PDGFC: variants seen among roughly 807,000 people sequenced by gnomAD.
PDGFC encodes platelet derived growth factor C, also known as platelet-derived growth factor C.
A neutral mutation model predicts 35.5 loss-of-function variants in PDGFC; 12 were observed. The observed-to-expected ratio is 0.34, with a 90% confidence interval of 0.22 to 0.55. The LOEUF (loss-of-function observed/expected upper bound fraction) is 0.55. PDGFC is among the 20% of genes least tolerant of loss of function. The pLI is 0.91. For synonymous variants in PDGFC, 159 were observed against 148.8 expected, an observed-to-expected ratio of 1.07 and a Z score of -0.50; for missense variants, 322 against 412.4, an observed-to-expected ratio of 0.78 and a Z score of 1.90.
intron 1 of PDGFC, among the ~76,000 whole-genome samples, chr4:156,901,823 G>C (rs543710326): frequency 6.6e-6 from 1 of 151,938 alleles, no homozygotes; most frequent in East Asian, 1.9e-4. Context: ...ATGTTGGCAG[G>C]CTGGTCTCAA....
Position 156,850,421 on chromosome 4 carries a change from AGC to A in PDGFC, c.119-7_119-6del. 1 of 1,542,524 alleles carries A rather than the reference AGC, an allele frequency of 6.5e-7. No individual in the cohort carries two copies. Among genetic ancestry groups the A allele is most frequent in the Non-Finnish European group, 8.8e-7 (1 of 1,133,126 alleles). On this transcript the variant is annotated splice_polypyrimidine_tract_variant and splice_region_variant and intron_variant, in intron 1 of 5. Coordinates refer to ENST00000502773, the MANE Select transcript of PDGFC (RefSeq NM_016205.3). Reference sequence around the variant, plus strand: ...CATGCTGAGGATCTTGTACTCCTAAAGCAAAAAACATAGACATAGACATACAT... The same window carrying A: ...CATGCTGAGGATCTTGTACTCCTAAAAAAAAACATAGACATAGACATACAT...
chr4:156,962,096 A>C (rs1056413999), intron 1 of PDGFC, among the ~76,000 whole-genome samples: 4 of 152,112 alleles, frequency 2.6e-5, no homozygotes, highest in East Asian at 1.9e-4. Context: ...AGACATGAAG[A>C]CTTTTCTTTT....
At chr4:156,778,117 TA>T in intron 3 of PDGFC, 1 of 244,868 alleles carries the variant, frequency 4.1e-6, no homozygotes, top group Non-Finnish European at 8.7e-6. Flanking sequence ...AAATAAAAAA[TA>T]AAAAAATAAA....
At chr4:156,848,065 T>G (rs1729367692) in intron 2 of PDGFC, among the ~76,000 whole-genome samples, 1 of 151,470 alleles carries the variant, frequency 6.6e-6, no homozygotes, top group African/African-American at 2.4e-5. Context: ...AAAGAAAAAT[T>G]AAAGGCAAAA....
intron 1 of PDGFC, among the ~76,000 whole-genome samples, chr4:156,895,789 AC>A (rs1316778137): frequency 1.3e-5 from 2 of 152,192 alleles, no homozygotes; most frequent in African/African-American, 2.4e-5. Flanking sequence ...AATATGAGAC[AC>A]GGGTCACACA....
chr4:156,841,476 C>T (rs1350207916), intron 2 of PDGFC: 1 of 151,152 alleles, frequency 6.6e-6, no homozygotes, highest in Non-Finnish European at 1.5e-5. Context: ...AACCTTTTTC[C>T]TTTACAAATT....
chr4:156,812,523 G>C (rs1731965529), intron 2 of PDGFC, among the ~76,000 whole-genome samples: 1 of 151,942 alleles, frequency 6.6e-6, no homozygotes, highest in Non-Finnish European at 1.5e-5. Context: ...GTAAACCACT[G>C]ATAGATTTTT....
chr4:156,927,760 C>T (rs1444833975), intron 1 of PDGFC, among the ~76,000 whole-genome samples: 1 of 152,180 alleles, frequency 6.6e-6, no homozygotes, highest in African/African-American at 2.4e-5. Context: ...CTACCTTCTT[C>T]TGAGCCCTCC....
chr4:156,849,215 A>C (rs1391916801), intron 2 of PDGFC, among the ~76,000 whole-genome samples: 1 of 152,040 alleles, frequency 6.6e-6, no homozygotes, highest in Non-Finnish European at 1.5e-5. Flanking sequence ...AAAGATAATC[A>C]GGGTAGCTTC....
intron 3 of PDGFC, among the ~76,000 whole-genome samples, chr4:156,791,692 A>G (rs1731303786): frequency 6.6e-6 from 1 of 152,170 alleles, no homozygotes; most frequent in African/African-American, 2.4e-5. Context: ...ATATGTATTT[A>G]TTTTGTTTCC....
At chr4:156,961,106 TATC>T (rs1732332651) in intron 1 of PDGFC, among the ~76,000 whole-genome samples, 2 of 152,232 alleles carry the variant, frequency 1.3e-5, no homozygotes, top group South Asian at 4.2e-4. Context: ...TGATTTTAAA[TATC>T]ATCTGCTACC....
At chr4:156,873,000 T>C (rs1325251870) in intron 1 of PDGFC, among the ~76,000 whole-genome samples, 1 of 152,056 alleles carries the variant, frequency 6.6e-6, no homozygotes, top group Non-Finnish European at 1.5e-5. Flanking sequence ...TGTAGTGTTG[T>C]ACACCTGTAG....
At chr4:156,886,063 T>C (rs760753999) in intron 1 of PDGFC, among the ~76,000 whole-genome samples, 27 of 152,158 alleles carry the variant, frequency 1.8e-4, no homozygotes, top group Non-Finnish European at 3.1e-4. Context: ...TGTTAAATTA[T>C]TAAAATCTTG....
At chr4:156,860,347 C>A (rs1012858890) in intron 1 of PDGFC, among the ~76,000 whole-genome samples, 2 of 152,130 alleles carry the variant, frequency 1.3e-5, no homozygotes, top group African/African-American at 4.8e-5. Context: ...TAATCCCCTA[C>A]CCAGCAAATG....
intron 3 of PDGFC, among the ~76,000 whole-genome samples, chr4:156,805,830 C>A (rs1731741187): frequency 6.6e-6 from 1 of 152,006 alleles, no homozygotes; most frequent in Non-Finnish European, 1.5e-5. Flanking sequence ...TTCACCATAT[C>A]CTGCATAATT....
chr4:156,804,690 A>T (rs1466985067), intron 3 of PDGFC, among the ~76,000 whole-genome samples: 1 of 152,056 alleles, frequency 6.6e-6, no homozygotes, highest in Non-Finnish European at 1.5e-5. Flanking sequence ...CTGATAATTA[A>T]GGGATTTAGG....
At chr4:156,937,267 T>C (rs1731705200) in intron 1 of PDGFC, among the ~76,000 whole-genome samples, 1 of 152,172 alleles carries the variant, frequency 6.6e-6, no homozygotes, top group African/African-American at 2.4e-5. Flanking sequence ...TTCTCAATAA[T>C]TTGAACGCAT....
At chr4:156,970,196 A>T (rs1732558330) in intron 1 of PDGFC, among the ~76,000 whole-genome samples, 1 of 152,180 alleles carries the variant, frequency 6.6e-6, no homozygotes, top group South Asian at 2.1e-4. Context: ...AAAACACACC[A>T]CCAGAAAGGT....
intron 1 of PDGFC, among the ~76,000 whole-genome samples, chr4:156,857,131 T>A (rs924422486): frequency 2.0e-5 from 3 of 151,810 alleles, no homozygotes; most frequent in African/African-American, 7.3e-5. Flanking sequence ...AAAGTTCAAA[T>A]GAAATGATAT....
Sources: gnomAD v4.1 joint callset for allele counts (sites outside exome capture counted in the v4.1 genomes callset) on GRCh38, gnomAD v4.1.1 for gene constraint, MANE v1.5 for transcripts, NCBI Gene and HGNC (gene_info 2026-07-23, HGNC 2026-07-21) for gene names.